Variants in SOX5 observed in about 807,000 individuals in gnomAD.
The protein encoded by SOX5 is SRY-box transcription factor 5.
A neutral mutation model predicts 92.0 loss-of-function variants in SOX5; 9 were observed. The observed-to-expected ratio is 0.10, with a 90% CI of 0.06 to 0.17. SOX5 has a LOEUF of 0.17. SOX5 is among the 10% of genes least tolerant of loss of function. The pLI is 1.00. For missense variants in SOX5, 642 were observed against 944.5 expected (o/e 0.68, Z 4.20); for synonymous variants, 344 against 336.3 (o/e 1.02, Z -0.25).
intron 3 of SOX5, among the ~76,000 whole-genome samples, chr12:23,782,887 C>T (rs763552418): frequency 4.0e-5 from 6 of 151,744 alleles, no homozygotes; most frequent in Admixed American, 2.6e-4. Flanking sequence ...TGTGTGTGTG[C>T]GGTGGTAAAA....
chr12:24,556,422 C>A (rs1371586266), intron 1 of SOX5, among the ~76,000 whole-genome samples: 2 of 152,174 alleles, frequency 1.3e-5, no homozygotes, highest in East Asian at 3.8e-4. Context: ...TCTCCTTGCA[C>A]CCAATTTAAA....
Position 23,916,749 on chromosome 12 carries a change from A to G in SOX5, c.39-20725T>C, listed in dbSNP as rs2097421708. 2.0e-5 allele frequency among the ~76,000 whole-genome samples: 3 copies of G among 152,236 alleles called. No individual in the cohort carries two copies. The South Asian group carries it at 6.2e-4, about 32-fold the overall frequency. ...CTTAGAAACCCACAGGGAATTATCA[A>G]GGAATGTAATATTAGAATTCCCAAT... On this transcript the variant is annotated intron_variant, in intron 1 of 14. Transcript: ENST00000451604.
intron 3 of SOX5, among the ~76,000 whole-genome samples, chr12:23,771,434 A>T (rs1191226307): frequency 6.6e-6 from 1 of 152,200 alleles, no homozygotes; most frequent in Non-Finnish European, 1.5e-5. Flanking sequence ...CCGGCCGAGT[A>T]CAGTCACTAT....
intron 4 of SOX5, among the ~76,000 whole-genome samples, chr12:24,165,595 C>T (rs1424830859): frequency 6.6e-6 from 1 of 151,946 alleles, no homozygotes; most frequent in Non-Finnish European, 1.5e-5. Context: ...TGAAGGAGTA[C>T]AAGATAACTG....
intron 3 of SOX5, among the ~76,000 whole-genome samples, chr12:23,794,191 G>T (rs1220699807): frequency 6.6e-6 from 1 of 151,842 alleles, no homozygotes; most frequent in Non-Finnish European, 1.5e-5. Flanking sequence ...TCTTTAATTG[G>T]TGTGCTGTTT....
chr12:24,285,838 A>G (rs1156305957), intron 2 of SOX5, among the ~76,000 whole-genome samples: 2 of 152,208 alleles, frequency 1.3e-5, no homozygotes, highest in African/African-American at 4.8e-5. Flanking sequence ...TATAGATTAC[A>G]TTTCTGTGAA....
At chr12:23,912,888 G>C (rs1413657720) in intron 1 of SOX5, among the ~76,000 whole-genome samples, 1 of 152,144 alleles carries the variant, frequency 6.6e-6, no homozygotes, top group East Asian at 1.9e-4. Flanking sequence ...ATGTCTTTTA[G>C]AGTAATGAAA....
In SOX5 at chr12:23,812,147, A is replaced by AC. The variant is rs2095886429; in HGVS notation, c.481+33835_481+33836insG. 2.6e-5 allele frequency among the ~76,000 whole-genome samples: 4 copies of AC among 152,246 alleles called. No individual in the cohort carries two copies. In the South Asian group the frequency reaches 8.3e-4, roughly 32 times the overall value. On this transcript the variant is annotated intron_variant, in intron 3 of 14. Transcript: ENST00000451604. ...GAACTGAAACAACACTCAAAAGAAA[A>AC]AAGCCAATAAATTAATCACTTCTGG...
At chr12:24,411,245 T>TC (rs1344547579) in intron 1 of SOX5, among the ~76,000 whole-genome samples, 2 of 152,092 alleles carry the variant, frequency 1.3e-5, no homozygotes, top group African/African-American at 4.8e-5. Context: ...TAAACAATGA[T>TC]ATCAAATGAA....
chr12:23,814,441 C>A (rs1487282937), intron 3 of SOX5, among the ~76,000 whole-genome samples: 1 of 152,128 alleles, frequency 6.6e-6, no homozygotes, highest in Non-Finnish European at 1.5e-5. Context: ...AAAGACTGTA[C>A]AACAGAGAAG....
At chr12:23,920,079 C>G (rs1000466377) in intron 1 of SOX5, 1 of 152,036 alleles carries the variant, frequency 6.6e-6, no homozygotes, top group Non-Finnish European at 1.5e-5. Flanking sequence ...ATTTAATCAG[C>G]GCTATTGCCT....
chr12:23,600,672 C>T (rs1484318864), intron 9 of SOX5, among the ~76,000 whole-genome samples: 1 of 151,332 alleles, frequency 6.6e-6, no homozygotes, highest in African/African-American at 2.4e-5. Flanking sequence ...GGACCTGTAA[C>T]TCAACAAGCA....
intron 1 of SOX5, among the ~76,000 whole-genome samples, chr12:24,435,279 G>T (rs1052670109): frequency 5.3e-5 from 8 of 152,214 alleles, no homozygotes; most frequent in African/African-American, 1.9e-4. Flanking sequence ...AGAGTGATGG[G>T]AAGATGAAGA....
intron 7 of SOX5, among the ~76,000 whole-genome samples, chr12:23,648,058 G>A (rs910777631): frequency 6.6e-6 from 1 of 152,034 alleles, no homozygotes; most frequent in Admixed American, 6.6e-5. Flanking sequence ...CATTTTTTAA[G>A]TTTCCCATCT....
chr12:24,546,048 C>T (rs1173225573), intron 1 of SOX5, among the ~76,000 whole-genome samples: 3 of 152,284 alleles, frequency 2.0e-5, no homozygotes, highest in East Asian at 1.9e-4. Context: ...AGTAGGTCTC[C>T]GGGAAACTCT....
At chr12:24,070,608 G>C (rs988711705) in intron 4 of SOX5, among the ~76,000 whole-genome samples, 1 of 151,694 alleles carries the variant, frequency 6.6e-6, no homozygotes, top group Non-Finnish European at 1.5e-5. Flanking sequence ...CTACTGTAAA[G>C]GACTGATATT....
At chr12:24,360,487 A>G (rs1395263759) in intron 2 of SOX5, among the ~76,000 whole-genome samples, 2 of 152,226 alleles carry the variant, frequency 1.3e-5, no homozygotes, top group African/African-American at 4.8e-5. Context: ...TCATGGCACT[A>G]GGTAACTGAA....
chr12:23,705,058 T>G (rs2091216552), intron 6 of SOX5, among the ~76,000 whole-genome samples: 1 of 151,964 alleles, frequency 6.6e-6, no homozygotes, highest in South Asian at 2.1e-4. Context: ...GCAGAAACAC[T>G]CATAAACTAA....
chr12:24,123,244 T>G (rs1231470324), intron 4 of SOX5, among the ~76,000 whole-genome samples: 1 of 152,212 alleles, frequency 6.6e-6, no homozygotes, highest in African/African-American at 2.4e-5. Flanking sequence ...TAGAAAAGAT[T>G]CTATCCACCA....
Sources: gnomAD v4.1 joint callset for allele counts (sites outside exome capture counted in the v4.1 genomes callset) on GRCh38, gnomAD v4.1.1 for gene constraint, MANE v1.5 for transcripts, NCBI Gene and HGNC (gene_info 2026-07-23, HGNC 2026-07-21) for gene names.